NCKAP1: variants seen among roughly 807,000 people sequenced by gnomAD.
NCKAP1 encodes the protein NCK associated protein 1.
In NCKAP1, 21 loss-of-function variants were observed where a neutral mutation model predicts 151.2. The observed-to-expected ratio is 0.14, with a 90% CI of 0.10 to 0.20. The LOEUF (loss-of-function observed/expected upper bound fraction) is 0.20. Among genes scored for constraint, NCKAP1 ranks in the 10% least tolerant of loss-of-function variants. The probability of loss-of-function intolerance (pLI) is 1.00; values close to 1 mark genes in which losing one functional copy is unlikely to be tolerated. For synonymous variants in NCKAP1, 484 were observed against 451.8 expected (o/e 1.07, Z -0.90); for missense variants, 933 against 1,352.1 (o/e 0.69, Z 4.86).
rs561732696 is a variant in NCKAP1 at position 182,964,472 on chromosome 2, G to A, written c.1761+204C>T. Among the ~76,000 whole-genome samples the A allele has an allele frequency of 2.6e-5, 4 of 152,138 alleles. No homozygotes were observed. The South Asian group carries it at 8.3e-4, about 32-fold the overall frequency. ...AAAGGTAATTCCAAGTGACTTTATG[G>A]TATGTTCTTATTATACTTATGTTTA... On this transcript the variant is annotated intron_variant, in intron 17 of 30. Coordinates refer to ENST00000361354, the MANE Select transcript of NCKAP1 (RefSeq NM_013436.5).
At chr2:182,954,702 C>T (rs1697288608) in intron 20 of NCKAP1, among the ~76,000 whole-genome samples, 1 of 152,124 alleles carries the variant, frequency 6.6e-6, no homozygotes, top group Non-Finnish European at 1.5e-5. Context: ...AGGAGAATTG[C>T]TTGAACTTGG....
chr2:183,026,441 G>A (rs1380336709), intron 1 of NCKAP1, among the ~76,000 whole-genome samples: 2 of 149,990 alleles, frequency 1.3e-5, no homozygotes, highest in South Asian at 4.2e-4. Flanking sequence ...CCACTGTACC[G>A]CAGCCTGAGC....
rs1338281992 is a variant in NCKAP1 at position 182,915,303 on chromosome 2, C to T, written c.*10399G>A. 6.6e-6 allele frequency: 1 copy of T among 151,858 alleles called. No individual in the cohort carries two copies. Among genetic ancestry groups the T allele is most frequent in the East Asian group, 1.9e-4 (1 of 5,192 alleles). The allele number at this position is 151,858 out of a possible 1,614,324, so 9.4% of individuals were successfully genotyped here. ...ATGTTCAGACTTTGCTTTTCAAAAA[C>T]GTTGTATGGTTCACAGCTGAAGAGA... On this transcript the variant is annotated 3_prime_UTR_variant, in exon 31 of 31. Coordinates refer to ENST00000361354, the MANE Select transcript of NCKAP1 (RefSeq NM_013436.5).
chr2:182,948,495 C>T (rs1697151938), intron 23 of NCKAP1, among the ~76,000 whole-genome samples: 1 of 152,098 alleles, frequency 6.6e-6, no homozygotes, highest in Admixed American at 6.5e-5. Context: ...AACATAAGCA[C>T]CTTCCATTTC....
Position 183,001,934 on chromosome 2 carries a change from C to A in NCKAP1, c.603+19G>T. The A allele has an allele frequency of 6.3e-7, 1 of 1,592,646 alleles. No homozygotes were observed. The highest frequency in any genetic ancestry group is 8.6e-7 in the Non-Finnish European group (1 of 1,161,018). ...TGTTATATGCCCATTCTCTCATATG[C>A]CTAACAACTGCCTCTTACCTTGCTA... On this transcript the variant is annotated intron_variant, in intron 6 of 30. Transcript: ENST00000361354.
intron 1 of NCKAP1, among the ~76,000 whole-genome samples, chr2:183,025,271 A>G (rs1698874467): frequency 6.6e-6 from 1 of 152,196 alleles, no homozygotes; most frequent in Non-Finnish European, 1.5e-5. Flanking sequence ...TTAAAATAAT[A>G]CTAGAAAGAA....
intron 8 of NCKAP1, among the ~76,000 whole-genome samples, chr2:182,994,378 C>T (rs774083109): frequency 6.6e-6 from 1 of 152,006 alleles, no homozygotes; most frequent in African/African-American, 2.4e-5. Flanking sequence ...TGGCTCACAC[C>T]GATAATCCCA....
chr2:182,942,203 CTT>C, intron 23 of NCKAP1, 40 bp from the exon 24 acceptor site: 1 of 1,470,756 alleles, frequency 6.8e-7, no homozygotes, highest in Non-Finnish European at 9.4e-7. Flanking sequence ...GCACAGACCT[CTT>C]TGTGTTAATG....
chr2:182,974,936 T>C (rs1413231375), intron 15 of NCKAP1, among the ~76,000 whole-genome samples: 1 of 152,216 alleles, frequency 6.6e-6, no homozygotes, highest in African/African-American at 2.4e-5. Flanking sequence ...TCAATGCTTT[T>C]TATTTTGCAG....
chr2:182,927,166 C>A (rs901394106), intron 29 of NCKAP1: 3 of 319,382 alleles, frequency 9.4e-6, no homozygotes, highest in Admixed American at 1.1e-4. Flanking sequence ...CAGAACAAGT[C>A]TGCTTTTTAA....
chr2:183,034,233 A>T (rs1699059084), intron 1 of NCKAP1, among the ~76,000 whole-genome samples: 1 of 152,196 alleles, frequency 6.6e-6, no homozygotes, highest in Non-Finnish European at 1.5e-5. Flanking sequence ...AGTCCTGTTA[A>T]ACTTTTCCTT....
chr2:182,995,583 A>C, intron 7 of NCKAP1, 118 bp downstream of exon 7: 1 of 942,278 alleles, frequency 1.1e-6, no homozygotes, highest in Non-Finnish European at 1.5e-6. Flanking sequence ...AACATTTTAT[A>C]ATGAACTTCA....
chr2:182,977,004 A>C, intron 14 of NCKAP1, 53 bp from the exon 15 acceptor site: 1 of 1,243,130 alleles, frequency 8.0e-7, no homozygotes, highest in Non-Finnish European at 1.1e-6. Flanking sequence ...TGTTTTCACA[A>C]TCTATAAGCA....
chr2:183,012,257 T>G (rs1698603163), intron 2 of NCKAP1, among the ~76,000 whole-genome samples: 1 of 152,138 alleles, frequency 6.6e-6, no homozygotes, highest in Non-Finnish European at 1.5e-5. Context: ...GGTCAGAACT[T>G]CTAAGAGTGG....
intron 3 of NCKAP1, 55 bp from the exon 4 acceptor site, chr2:183,003,085 G>A: frequency 1.3e-6 from 2 of 1,484,932 alleles, no homozygotes; most frequent in Non-Finnish European, 1.8e-6. Context: ...TTTAAATTCA[G>A]AAAACACAAA....
In NCKAP1 at chr2:182,912,469, G is replaced by T. The variant is rs1239183437; in HGVS notation, c.*13233C>A. 1 of 152,162 alleles carries T rather than the reference G, an allele frequency of 6.6e-6. No homozygotes were observed. Among genetic ancestry groups the T allele is most frequent in the Non-Finnish European group, 1.5e-5 (1 of 68,028 alleles). The allele number at this position is 152,162 out of a possible 1,614,324, so 9.4% of individuals were successfully genotyped here. On this transcript the variant is annotated 3_prime_UTR_variant, in exon 31 of 31. Coordinates refer to ENST00000361354, the MANE Select transcript of NCKAP1 (RefSeq NM_013436.5). ...TTTAGCACATTATAATAATCCTGTT[G>T]TGCAGTACTCCTTTCCAATGACCTG...
intron 15 of NCKAP1, among the ~76,000 whole-genome samples, chr2:182,971,984 A>T (rs1227982687): frequency 6.6e-6 from 1 of 152,290 alleles, no homozygotes; most frequent in African/African-American, 2.4e-5. Context: ...CTGGTGAAAC[A>T]TGCCAGAATA....
intron 1 of NCKAP1, among the ~76,000 whole-genome samples, chr2:183,036,271 G>A (rs1054272780): frequency 1.3e-5 from 2 of 152,148 alleles, no homozygotes; most frequent in African/African-American, 4.8e-5. Flanking sequence ...TAAATGCTTA[G>A]AAAAGGTATT....
chr2:182,938,894 G>A (rs1696937600), intron 24 of NCKAP1, among the ~76,000 whole-genome samples: 1 of 152,196 alleles, frequency 6.6e-6, no homozygotes, highest in Non-Finnish European at 1.5e-5. Context: ...TAGGTGTAAA[G>A]GAATGGGAGA....
Sources: allele counts gnomAD v4.1 joint callset (sites outside exome capture counted in the v4.1 genomes callset), GRCh38; gene constraint gnomAD v4.1.1; transcripts MANE v1.5; gene names NCBI Gene and HGNC (gene_info 2026-07-23, HGNC 2026-07-21).